The following GRM1 variants were observed in gnomAD, a reference collection of about 807,000 sequenced individuals.
The protein encoded by GRM1 is metabotropic glutamate receptor 1.
A neutral mutation model predicts 90.9 loss-of-function variants in GRM1; 33 were observed. The ratio of observed to expected loss-of-function variants is 0.36; its 90% CI spans 0.28 to 0.49. The LOEUF (loss-of-function observed/expected upper bound fraction) is 0.49. Ranked by LOEUF, GRM1 falls within the 20% of genes least tolerant of loss-of-function variation. The pLI, the probability that GRM1 is intolerant of heterozygous loss-of-function variation, is 0.99. For synonymous variants in GRM1, 700 were observed against 613.2 expected (o/e 1.14, Z -2.09); for missense variants, 1,190 against 1,534.3 (o/e 0.78, Z 3.75).
intron 2 of GRM1, among the ~76,000 whole-genome samples, chr6:146,161,092 G>A (rs4576274): frequency 0.11 from 16,682 of 152,186 alleles, 1,850 homozygotes; most frequent in African/African-American, 0.28. Flanking sequence ...GACAGAGGGT[G>A]TCCAGACATT....
intron 5 of GRM1, among the ~76,000 whole-genome samples, chr6:146,358,138 C>T (rs373162622): frequency 3.3e-5 from 5 of 152,296 alleles, no homozygotes; most frequent in East Asian, 3.9e-4. Context: ...TATCATTTTC[C>T]GTTTCTCTAC....
intron 7 of GRM1, among the ~76,000 whole-genome samples, chr6:146,425,799 C>T (rs1412992740): frequency 6.7e-6 from 1 of 149,596 alleles, no homozygotes; most frequent in Non-Finnish European, 1.5e-5. Flanking sequence ...TTCTGCAGTG[C>T]TAGCTGACTC....
At chr6:146,155,929 C>T (rs1054322332) in intron 1 of GRM1, among the ~76,000 whole-genome samples, 1 of 152,226 alleles carries the variant, frequency 6.6e-6, no homozygotes, top group Non-Finnish European at 1.5e-5. Context: ...TAACAGATTA[C>T]TCTGGTTGCT....
chr6:146,060,852 T>C (rs1490265917), intron 1 of GRM1, among the ~76,000 whole-genome samples: 2 of 152,194 alleles, frequency 1.3e-5, no homozygotes, highest in Non-Finnish European at 2.9e-5. Flanking sequence ...TCTAAACTAA[T>C]TTACATTCCC....
chr6:146,255,669 T>C (rs1441360261), intron 2 of GRM1, among the ~76,000 whole-genome samples: 1 of 152,162 alleles, frequency 6.6e-6, no homozygotes, highest in Non-Finnish European at 1.5e-5. Context: ...CAAACCAGCC[T>C]TCTCTACTGG....
At chr6:146,354,829 G>A (rs1038177093) in intron 4 of GRM1, among the ~76,000 whole-genome samples, 8 of 152,078 alleles carry the variant, frequency 5.3e-5, no homozygotes, top group African/African-American at 1.9e-4. Context: ...AAGGAAAAGG[G>A]CAGTGTTCAG....
At chr6:146,081,966 T>A (rs530850974) in intron 1 of GRM1, among the ~76,000 whole-genome samples, 6 of 152,290 alleles carry the variant, frequency 3.9e-5, no homozygotes, top group African/African-American at 1.4e-4. Context: ...GTCAGTGGGA[T>A]TTTAGCGAGT....
intron 5 of GRM1, among the ~76,000 whole-genome samples, chr6:146,373,872 T>C (rs899889623): frequency 6.6e-6 from 1 of 152,156 alleles, no homozygotes; most frequent in African/African-American, 2.4e-5. Flanking sequence ...CTTGCCAGAC[T>C]GCTGTAGTGA....
At chr6:146,150,929 CGT>C (rs373590779) in intron 1 of GRM1, among the ~76,000 whole-genome samples, 5,722 of 110,796 alleles carry the variant, frequency 0.052, 194 homozygotes, top group Admixed American at 0.14. Context: ...CACACACACG[CGT>C]GTGCGCGCAC....
intron 7 of GRM1, among the ~76,000 whole-genome samples, chr6:146,415,770 G>A (rs1054729440): frequency 1.3e-5 from 2 of 152,124 alleles, no homozygotes; most frequent in Non-Finnish European, 2.9e-5. Context: ...CATTAATAGG[G>A]TTGAAGATAT....
intron 5 of GRM1, among the ~76,000 whole-genome samples, chr6:146,373,100 T>C (rs1404927085): frequency 6.6e-6 from 1 of 152,172 alleles, no homozygotes. Flanking sequence ...TCAATTAACA[T>C]AAAAATTTTT....
chr6:146,399,400 C>T lies in GRM1; in HGVS notation c.2361C>T (p.Ile787=), dbSNP rs762664865. Residue 787 remains isoleucine (I), a synonymous_variant, in exon 7 of 8, where the codon ATC becomes ATT. Coordinates refer to ENST00000282753, the MANE Select transcript of GRM1 (RefSeq NM_001278064.2). This position sits in a 1 kb window ranked among gnomAD's most constrained non-coding sequence, Gnocchi z 5.4. ...CCAACTTCAACGAGGCCAAATATAT[C>T]GCGTTCACCATGTACACCACCTGTA... ...VPANFNEAKY[I]AFTMYTTCII... 10 of 1,614,042 alleles carry T rather than the reference C, an allele frequency of 6.2e-6. No individual in the cohort carries two copies. Among genetic ancestry groups the T allele is most frequent in the East Asian group, 2.2e-5 (1 of 44,890 alleles).
At chr6:146,270,961 C>CT (rs1440167678) in intron 2 of GRM1, among the ~76,000 whole-genome samples, 2 of 131,226 alleles carry the variant, frequency 1.5e-5, no homozygotes, top group African/African-American at 6.2e-5. Context: ...TCCTTTCTTT[C>CT]TTTCTTTTTT....
intron 2 of GRM1, among the ~76,000 whole-genome samples, chr6:146,300,161 A>C (rs1304243318): frequency 6.6e-6 from 1 of 152,186 alleles, no homozygotes; most frequent in Non-Finnish European, 1.5e-5. Flanking sequence ...AGGTACACAC[A>C]ATTACTTGAA....
chr6:146,123,608 A>G (rs939251714), intron 1 of GRM1, among the ~76,000 whole-genome samples: 16 of 152,210 alleles, frequency 1.1e-4, no homozygotes, highest in Admixed American at 6.5e-4. Context: ...TCTGCAGCTC[A>G]CCATCCAATA....
chr6:146,109,659 C>G (rs1444437166), intron 1 of GRM1, among the ~76,000 whole-genome samples: 1 of 152,108 alleles, frequency 6.6e-6, no homozygotes, highest in African/African-American at 2.4e-5. Context: ...ACCTCCAGAC[C>G]CCAGAATGAT....
chr6:146,400,845 G>C (rs1424950350), intron 7 of GRM1, among the ~76,000 whole-genome samples: 1 of 152,022 alleles, frequency 6.6e-6, no homozygotes, highest in Non-Finnish European at 1.5e-5. Flanking sequence ...GAACCTGTCA[G>C]CAGGAACATT....
At chr6:146,205,196 G>A (rs999975318) in intron 2 of GRM1, among the ~76,000 whole-genome samples, 1 of 152,142 alleles carries the variant, frequency 6.6e-6, no homozygotes, top group African/African-American at 2.4e-5. Flanking sequence ...GATTTTGTTA[G>A]AAAATGACAA....
intron 7 of GRM1, among the ~76,000 whole-genome samples, chr6:146,400,983 T>C (rs1777137933): frequency 6.6e-6 from 1 of 152,068 alleles, no homozygotes; most frequent in African/African-American, 2.4e-5. Flanking sequence ...TCAATGTAAT[T>C]CCCCTTAGTT....
Sources: gnomAD v4.1 joint callset for allele counts (sites outside exome capture counted in the v4.1 genomes callset) on GRCh38, gnomAD v4.1.1 for gene constraint, Gnocchi (gnomAD v3.1) non-coding constraint, MANE v1.5 for transcripts, NCBI Gene and HGNC (gene_info 2026-07-23, HGNC 2026-07-21) for gene names.